The following EBF2 variants were observed in gnomAD, a reference collection of about 807,000 sequenced individuals.
The protein encoded by EBF2 is transcription factor COE2.
In EBF2, 21 loss-of-function variants were observed where a neutral mutation model predicts 72.8. That is an observed-to-expected ratio of 0.29 (90% CI 0.20 to 0.42). The LOEUF (loss-of-function observed/expected upper bound fraction) is 0.42, where lower values mean the gene tolerates loss of function less well. Ranked by LOEUF, EBF2 falls within the 10% of genes least tolerant of loss-of-function variation. The probability of loss-of-function intolerance (pLI) is 1.00; values close to 1 mark genes in which losing one functional copy is unlikely to be tolerated. For synonymous variants in EBF2, 299 were observed against 274.2 expected, an observed-to-expected ratio of 1.09 and a Z score of -0.89; for missense variants, 637 against 731.2, an observed-to-expected ratio of 0.87 and a Z score of 1.49.
intron 6 of EBF2, among the ~76,000 whole-genome samples, chr8:25,961,827 G>A (rs544353826): frequency 6.4e-4 from 97 of 152,214 alleles, no homozygotes; most frequent in Non-Finnish European, 1.1e-3. Context: ...ACCAAATAGA[G>A]GTATCTATTC....
chr8:26,016,943 T>C (rs922702261), intron 6 of EBF2, among the ~76,000 whole-genome samples: 2 of 151,858 alleles, frequency 1.3e-5, no homozygotes, highest in African/African-American at 4.8e-5. Flanking sequence ...ATGACAATAG[T>C]GGAGTTATAT....
In EBF2 at chr8:25,861,344, C is replaced by T. The variant is rs750054713; in HGVS notation, c.1129G>A (p.Val377Met). The T allele has an allele frequency of 6.8e-6, 11 of 1,614,096 alleles. No individual in the cohort carries two copies. The highest frequency in any genetic ancestry group is 8.5e-6 in the Non-Finnish European group (10 of 1,180,036). ...TGTGGTGTGCCATAAAGAGCTTCCA[C>T]TAGATCTGCAGCTCTTTTCAACAGC... is the stretch of plus-strand genomic sequence containing the variant. ...EMLLKRAADL[V>M]EALYGTPHNN... Residue 377 changes from valine (V) to methionine (M), a missense_variant, in exon 12 of 16, where the codon GTG (valine) becomes ATG (methionine). Around this residue, in one of 3 missense-constraint regions of EBF2, gnomAD observed 259 missense variants for 268.1 expected, o/e 0.97. Coordinates refer to ENST00000520164, the MANE Select transcript of EBF2 (RefSeq NM_022659.4).
chr8:25,982,873 A>T (rs1394001175), intron 6 of EBF2, among the ~76,000 whole-genome samples: 1 of 151,980 alleles, frequency 6.6e-6, no homozygotes. Context: ...ATGTAAACAT[A>T]GTATATACAA....
chr8:25,955,547 C>T (rs866521781), intron 6 of EBF2, among the ~76,000 whole-genome samples: 2 of 151,964 alleles, frequency 1.3e-5, no homozygotes, highest in Admixed American at 6.6e-5. Flanking sequence ...AAAATGAAAA[C>T]GGATTTTTCT....
chr8:25,922,800 T>G (rs1416865888), intron 6 of EBF2, among the ~76,000 whole-genome samples: 1 of 151,990 alleles, frequency 6.6e-6, no homozygotes, highest in Non-Finnish European at 1.5e-5. Flanking sequence ...TTAACATCAG[T>G]GGTGGGGGAA....
Position 25,861,188 on chromosome 8 carries a change from A to G in EBF2, c.1203T>C (p.Ala401=), listed in dbSNP as rs1802206150. ...TGGGATTCCTGGGGACGCTGTAGAG[A>G]GCTTCAGCAATGTCTGCGGCTCGCT... ...ILKRAADIAE[A]LYSVPRNPSQ... The change falls in exon 13 of 16, where the codon GCT becomes GCC. Residue 401 remains alanine (A), a synonymous_variant. Coordinates refer to ENST00000520164, the MANE Select transcript of EBF2 (RefSeq NM_022659.4). 6.2e-7 allele frequency: 1 copy of G among 1,613,714 alleles called. No homozygotes were observed.
chr8:25,853,798 C>T (rs892254649), intron 14 of EBF2, among the ~76,000 whole-genome samples: 1 of 151,742 alleles, frequency 6.6e-6, no homozygotes, highest in African/African-American at 2.4e-5. Flanking sequence ...TTAAAACTAA[C>T]GTTGTAGAAT....
intron 7 of EBF2, among the ~76,000 whole-genome samples, chr8:25,890,912 A>G (rs13280831): frequency 0.43 from 65,836 of 152,028 alleles, 14,694 homozygotes; most frequent in East Asian, 0.63. Flanking sequence ...GATTCAGCAC[A>G]GTGCTTGGTG....
At chr8:25,886,637 C>G in intron 10 of EBF2, 118 bp downstream of exon 10, 2 of 1,248,538 alleles carry the variant, frequency 1.6e-6, no homozygotes, top group South Asian at 3.8e-5. Flanking sequence ...TCAGCTCACT[C>G]TTTCCACACT....
At chr8:26,015,889 T>G (rs929200352) in intron 6 of EBF2, among the ~76,000 whole-genome samples, 3 of 152,172 alleles carry the variant, frequency 2.0e-5, no homozygotes, top group African/African-American at 7.2e-5. Flanking sequence ...TGACCTGATG[T>G]GGTGCCTCCC....
At chr8:25,858,204 G>C (rs751766755) in intron 14 of EBF2, 115 bp downstream of exon 14, 5 of 1,288,964 alleles carry the variant, frequency 3.9e-6, no homozygotes, top group Non-Finnish European at 5.5e-6. Flanking sequence ...AGGAAACTAG[G>C]CTGCTCCCCG....
chr8:25,926,164 C>A (rs753737643), intron 6 of EBF2, among the ~76,000 whole-genome samples: 1 of 152,028 alleles, frequency 6.6e-6, no homozygotes, highest in Non-Finnish European at 1.5e-5. Flanking sequence ...TCTGTGTCCC[C>A]AGGTACCAGT....
chr8:25,861,971 T>C (rs947536757), intron 11 of EBF2, among the ~76,000 whole-genome samples: 5 of 152,236 alleles, frequency 3.3e-5, no homozygotes, highest in East Asian at 1.9e-4. Flanking sequence ...GCTATTAACC[T>C]ACTTTCCAGA....
intron 6 of EBF2, among the ~76,000 whole-genome samples, chr8:25,988,905 T>C (rs368614336): frequency 2.1e-4 from 32 of 152,330 alleles, no homozygotes; most frequent in African/African-American, 7.7e-4. Flanking sequence ...CAAAAAACTA[T>C]GTTCGTTCTG....
intron 6 of EBF2, among the ~76,000 whole-genome samples, chr8:26,003,623 G>T (rs756162425): frequency 2.6e-5 from 4 of 152,060 alleles, no homozygotes; most frequent in African/African-American, 9.7e-5. Flanking sequence ...TGCCCTAAGA[G>T]GCAACCTCCA....
rs1805611439 is a variant in EBF2, at chr8:26,042,105, T to A, written c.278A>T (p.Glu93Val). 6.2e-7 allele frequency: 1 copy of A among 1,613,576 alleles called. No homozygotes were observed. Among genetic ancestry groups the A allele is most frequent in the African/African-American group, 1.3e-5 (1 of 74,916 alleles). The change falls in exon 2 of 16, where the codon GAG (glutamate) becomes GTG (valine). Residue 93 changes from glutamate to valine, a missense_variant. Glu to Val is a moderately radical substitution (Grantham distance 121, BLOSUM62 -2). Around this residue, in one of 3 missense-constraint regions of EBF2, gnomAD observed 174 missense variants for 161.9 expected, o/e 1.07. Transcript: ENST00000520164. ...IERTAFVDFV[E>V]NDKEQGNEKT... ...GTACTTTCCGCTTACTTTGTCATTCTCCACAAAGTCCACGAAGGCCGTCCG... is the reference window on the plus strand; with the variant it reads ...GTACTTTCCGCTTACTTTGTCATTCACCACAAAGTCCACGAAGGCCGTCCG...
chr8:26,040,027 C>A lies in EBF2; in HGVS notation c.482+1G>T. The A allele has an allele frequency of 6.2e-7, 1 of 1,613,856 alleles. No homozygotes were observed. The highest frequency in any genetic ancestry group is 8.5e-7 in the Non-Finnish European group (1 of 1,179,848). ...AAGGCCTGGGAAAAGGCGGCTCTTACCTACACATCACTTCGTGCGTCAGGA... is the reference window on the plus strand; with the variant it reads ...AAGGCCTGGGAAAAGGCGGCTCTTAACTACACATCACTTCGTGCGTCAGGA... On this transcript the variant is annotated splice_donor_variant, in intron 5 of 15. Coordinates refer to ENST00000520164, the MANE Select transcript of EBF2 (RefSeq NM_022659.4). LOFTEE classifies it high-confidence loss of function.
At chr8:26,039,019 G>T (rs1354526585) in intron 5 of EBF2, among the ~76,000 whole-genome samples, 1 of 152,124 alleles carries the variant, frequency 6.6e-6, no homozygotes, top group Non-Finnish European at 1.5e-5. Flanking sequence ...TCCAATCAAA[G>T]ATTTTTGGAG....
At chr8:25,849,711 T>G (rs559472240) in intron 15 of EBF2, among the ~76,000 whole-genome samples, 1 of 152,212 alleles carries the variant, frequency 6.6e-6, no homozygotes, top group African/African-American at 2.4e-5. Flanking sequence ...ATTTGTGTTA[T>G]GTCATGCCAT....
Sources: allele counts gnomAD v4.1 joint callset (sites outside exome capture counted in the v4.1 genomes callset), GRCh38; gene constraint gnomAD v4.1.1; regional missense constraint gnomAD v4.1.1; transcripts MANE v1.5; gene names NCBI Gene and HGNC (gene_info 2026-07-23, HGNC 2026-07-21).